The following SPAG9 variants were observed in gnomAD, a reference collection of about 807,000 sequenced individuals.
The protein encoded by SPAG9 is C-Jun-amino-terminal kinase-interacting protein 4.
Under a neutral mutation model 166.5 loss-of-function variants are expected in SPAG9, and 35 were observed. The ratio of observed to expected loss-of-function variants is 0.21; its 90% confidence interval spans 0.16 to 0.28. The LOEUF (loss-of-function observed/expected upper bound fraction) is 0.28. Ranked by LOEUF, SPAG9 falls within the 10% of genes least tolerant of loss-of-function variation. The pLI, the probability that SPAG9 is intolerant of heterozygous loss-of-function variation, is 1.00. For missense variants in SPAG9, 1,235 were observed against 1,603.3 expected, an observed-to-expected ratio of 0.77 and a Z score of 3.92; for synonymous variants, 534 against 565.5, an observed-to-expected ratio of 0.94 and a Z score of 0.79.
At chr17:51,104,650 T>C (rs1027203604) in intron 1 of SPAG9, among the ~76,000 whole-genome samples, 1 of 151,150 alleles carries the variant, frequency 6.6e-6, no homozygotes, top group African/African-American at 2.4e-5. Context: ...AATAAATAAA[T>C]AGGCCGGGTG....
At chr17:51,105,652 G>C (rs1225779189) in intron 1 of SPAG9, among the ~76,000 whole-genome samples, 2 of 151,498 alleles carry the variant, frequency 1.3e-5, no homozygotes, top group African/African-American at 2.4e-5. Flanking sequence ...GGCAGATCAC[G>C]AGGTCAGGAG....
At chr17:51,010,055 A>G (rs2144056867) in intron 9 of SPAG9, among the ~76,000 whole-genome samples, 1 of 152,208 alleles carries the variant, frequency 6.6e-6, no homozygotes, top group South Asian at 2.1e-4. Context: ...ATTAAAAACA[A>G]GCAAAATAAA....
intron 28 of SPAG9, among the ~76,000 whole-genome samples, chr17:50,974,178 C>T (rs1974049467): frequency 6.6e-6 from 1 of 152,154 alleles, no homozygotes; most frequent in Admixed American, 6.5e-5. Flanking sequence ...TCATCACTTC[C>T]ATCTTTTTTC....
At position 51,021,189 on chromosome 17, in the gene SPAG9, C is replaced by T. The variant is rs1332105457; in HGVS notation, c.960G>A (p.Gln320=). 5.6e-6 allele frequency: 9 copies of T among 1,613,852 alleles called. No individual in the cohort carries two copies. Among genetic ancestry groups the T allele is most frequent in the Non-Finnish European group, 7.6e-6 (9 of 1,179,944 alleles). ...ATACATTTCTAGTTTCCTGGGCTAC[C>T]TGTACTTCAATGTGTTTGCTTATCT... ...KSEISKHIEV[Q]VAQETRNVST... is the part of the protein sequence containing the mutation. The change falls in exon 7 of 30, where the codon CAG becomes CAA. Residue 320 remains glutamine (Q), a synonymous_variant. Coordinates refer to ENST00000262013, the MANE Select transcript of SPAG9 (RefSeq NM_001130528.3).
intron 28 of SPAG9, among the ~76,000 whole-genome samples, chr17:50,973,335 G>C (rs1391183947): frequency 2.6e-5 from 4 of 152,106 alleles, no homozygotes; most frequent in Non-Finnish European, 5.9e-5. Context: ...ATTGGAGAGG[G>C]ATACAAAGGA....
At chr17:51,041,951 A>G (rs1308538432) in intron 4 of SPAG9, among the ~76,000 whole-genome samples, 1 of 152,180 alleles carries the variant, frequency 6.6e-6, no homozygotes, top group Non-Finnish European at 1.5e-5. Flanking sequence ...TGTGGTCTGG[A>G]GAAGAGCTGC....
chr17:50,984,539 T>G (rs1220228928), intron 24 of SPAG9, among the ~76,000 whole-genome samples: 1 of 151,968 alleles, frequency 6.6e-6, no homozygotes, highest in Non-Finnish European at 1.5e-5. Context: ...ACAAAAAAAT[T>G]AGCTGGTCGT....
chr17:51,001,771 C>T lies in SPAG9; in HGVS notation c.1551G>A (p.Gln517=). 1 of 1,613,778 alleles carries T rather than the reference C, an allele frequency of 6.2e-7. No individual in the cohort carries two copies. The change falls in exon 13 of 30, where the codon CAG becomes CAA. Residue 517 remains glutamine (Q), a synonymous_variant. Coordinates refer to ENST00000262013, the MANE Select transcript of SPAG9 (RefSeq NM_001130528.3). The part of the protein sequence containing the change: ...EMARVLMERN[Q]YKERLMELQE... Reference sequence around the variant, plus strand: ...GAAGCTCCATCAATCTCTCTTTATACTGGTTTCGCTCCATGAGAACACGGG... The same window carrying T: ...GAAGCTCCATCAATCTCTCTTTATATTGGTTTCGCTCCATGAGAACACGGG...
At chr17:51,074,510 C>T (rs947196650) in intron 2 of SPAG9, among the ~76,000 whole-genome samples, 1 of 152,186 alleles carries the variant, frequency 6.6e-6, no homozygotes, top group Non-Finnish European at 1.5e-5. Context: ...TTGTAAGTTC[C>T]TTAATTGTTC....
intron 29 of SPAG9, among the ~76,000 whole-genome samples, chr17:50,970,407 G>A (rs562878045): frequency 6.6e-6 from 1 of 151,826 alleles, no homozygotes; most frequent in Admixed American, 6.6e-5. Context: ...CTAGCTACCT[G>A]GGGGGCTGAA....
intron 19 of SPAG9, among the ~76,000 whole-genome samples, chr17:50,991,273 C>CA (rs1358732314): frequency 2.7e-5 from 4 of 149,796 alleles, no homozygotes; most frequent in African/African-American, 4.9e-5. Context: ...CAACATCAGC[C>CA]AAAAAAAAAT....
intron 6 of SPAG9, among the ~76,000 whole-genome samples, chr17:51,029,110 A>C (rs957177129): frequency 6.6e-6 from 1 of 152,238 alleles, no homozygotes; most frequent in African/African-American, 2.4e-5. Context: ...GAATGTTCAC[A>C]AAAAGCTAGT....
intron 2 of SPAG9, 73 bp downstream of exon 2, chr17:51,079,511 T>C: frequency 1.3e-6 from 2 of 1,482,412 alleles, no homozygotes; most frequent in East Asian, 4.6e-5. Flanking sequence ...AGTGCTGGGA[T>C]TACAGGCGTG....
intron 1 of SPAG9, among the ~76,000 whole-genome samples, chr17:51,096,341 T>G (rs1271880159): frequency 6.7e-6 from 1 of 150,372 alleles, no homozygotes; most frequent in Non-Finnish European, 1.5e-5. Context: ...AGAGTGAGAC[T>G]CTGTCTCAAA....
At chr17:50,991,923 CTTTTTTTTTTTTTTTT>C (rs1023810785) in intron 19 of SPAG9, among the ~76,000 whole-genome samples, 2 of 63,316 alleles carry the variant, frequency 3.2e-5, no homozygotes, top group African/African-American at 6.3e-5. Context: ...CATGCCAGGT[CTTTTTTTTTTTTTTTT>C]TTTTTTTTTT....
At chr17:51,034,936 A>C (rs1476298193) in intron 5 of SPAG9, among the ~76,000 whole-genome samples, 1 of 152,246 alleles carries the variant, frequency 6.6e-6, no homozygotes, top group Non-Finnish European at 1.5e-5. Context: ...GTACTCTTCA[A>C]AAGTCTCAAG....
At chr17:51,105,889 A>T (rs912415467) in intron 1 of SPAG9, among the ~76,000 whole-genome samples, 1 of 151,712 alleles carries the variant, frequency 6.6e-6, no homozygotes, top group Non-Finnish European at 1.5e-5. Context: ...AAAAAGAAAA[A>T]ACACTTAAAG....
chr17:51,069,105 G>C (rs1321310342), intron 2 of SPAG9, among the ~76,000 whole-genome samples: 1 of 151,860 alleles, frequency 6.6e-6, no homozygotes, highest in South Asian at 2.1e-4. Context: ...ACTAAAAGTA[G>C]CTTTCTAAAT....
chr17:50,991,769 G>A (rs1975569579), intron 19 of SPAG9, among the ~76,000 whole-genome samples: 2 of 151,474 alleles, frequency 1.3e-5, no homozygotes, highest in East Asian at 1.9e-4. Context: ...GATTACAAGC[G>A]CCTGCCACTG....
Sources: gnomAD v4.1 joint callset for allele counts (sites outside exome capture counted in the v4.1 genomes callset) on GRCh38, gnomAD v4.1.1 for gene constraint, MANE v1.5 for transcripts, NCBI Gene and HGNC (gene_info 2026-07-23, HGNC 2026-07-21) for gene names.